Variants in ZCCHC4 observed in about 807,000 individuals in gnomAD.
The protein encoded by ZCCHC4 is zinc finger CCHC-type containing 4, also known as rRNA N(6)-adenosine-methyltransferase ZCCHC4.
Under a neutral mutation model 67.7 loss-of-function variants are expected in ZCCHC4, and 54 were observed. The observed-to-expected ratio is 0.80, with a 90% CI of 0.64 to 1.00. The LOEUF (loss-of-function observed/expected upper bound fraction) is 1.00. Ranked by LOEUF, ZCCHC4 falls within the 50% of genes least tolerant of loss-of-function variation. The pLI, the probability that ZCCHC4 is intolerant of heterozygous loss-of-function variation, is 0.00. For synonymous variants in ZCCHC4, 198 were observed against 213.5 expected (o/e 0.93, Z 0.63); for missense variants, 609 against 617.0 (o/e 0.99, Z 0.14).
chr4:25,329,218 A>G (rs1309486853), intron 3 of ZCCHC4, among the ~76,000 whole-genome samples: 5 of 152,140 alleles, frequency 3.3e-5, no homozygotes, highest in Non-Finnish European at 7.4e-5. Context: ...TAATTTTATT[A>G]TGATGTGTCT....
rs541849217 is a variant in ZCCHC4, at chr4:25,359,537, A to G, written c.1012-2322A>G. Among the ~76,000 whole-genome samples the G allele has an allele frequency of 1.4e-4, 22 of 152,312 alleles. No individual in the cohort carries two copies. The highest frequency in any genetic ancestry group is 4.6e-4 in the African/African-American group (19 of 41,576). On this transcript the variant is annotated intron_variant, in intron 8 of 12. Transcript: ENST00000302874. The surrounding 1 kb of genome is among the most constrained non-coding windows in gnomAD (Gnocchi z 4.9). ...ACCAAGGAGGCTGTTGGCGGGATCA[A>G]GGGGTCCGTGCCACAAAGAAGGGAA...
chr4:25,356,925 G>A (rs969696952), intron 8 of ZCCHC4, among the ~76,000 whole-genome samples: 5 of 152,098 alleles, frequency 3.3e-5, no homozygotes, highest in African/African-American at 9.7e-5. Context: ...AACAGGTAAC[G>A]TAGGCTGACT....
At position 25,325,305 on chromosome 4, in the gene ZCCHC4, C is replaced by CTT. The variant is rs55917871; in HGVS notation, c.330-7865_330-7864dup. Among the ~76,000 whole-genome samples, 1,022 of 122,466 alleles carry CTT rather than the reference C, an allele frequency of 8.3e-3. 33 individuals are homozygous for CTT. Among genetic ancestry groups the CTT allele is most frequent in the African/African-American group, 0.022 (756 of 34,078 alleles). The allele number at this position is 122,466 out of a possible 152,430, so 80.3% of individuals were successfully genotyped here. ...TTCTTGGGTCGTCTTTTCACTCTCT[C>CTT]TTTTTTTTTTTTTTGGCAGTGGTGC... is the stretch of plus-strand genomic sequence containing the variant. On this transcript the variant is annotated intron_variant, in intron 3 of 12. Coordinates refer to ENST00000302874, the MANE Select transcript of ZCCHC4 (RefSeq NM_024936.3).
chr4:25,313,023 T>C, intron 1 of ZCCHC4, 87 bp downstream of exon 1: 2 of 1,540,588 alleles, frequency 1.3e-6, no homozygotes, highest in Non-Finnish European at 1.7e-6. Flanking sequence ...CCTGTATTTT[T>C]ACCCGCCTCT....
intron 5 of ZCCHC4, among the ~76,000 whole-genome samples, chr4:25,342,315 C>A (rs1274693747): frequency 1.3e-5 from 2 of 152,072 alleles, no homozygotes; most frequent in African/African-American, 4.8e-5. Context: ...AGTTTTTTGG[C>A]ACTTTGACTT....
At position 25,312,865 on chromosome 4, in the gene ZCCHC4, G is replaced by A; in HGVS notation, c.56G>A (p.Cys19Tyr). The A allele has an allele frequency of 6.2e-7, 1 of 1,613,122 alleles. No homozygotes were observed. The highest frequency in any genetic ancestry group is 1.1e-5 in the South Asian group (1 of 91,020). Reference protein sequence around the residue: ...EAVEAEGSAGCRGSSGMEVVL... With the variant: ...EAVEAEGSAGYRGSSGMEVVL... ...GTGGAGGCAGAGGGCAGCGCAGGGT[G>A]CCGGGGAAGCTCGGGAATGGAGGTG... is the stretch of plus-strand genomic sequence containing the variant. Residue 19 changes from cysteine (C) to tyrosine (Y), a missense_variant, in exon 1 of 13, where the codon TGC becomes TAC. By Grantham distance (194) the Cys-to-Tyr change is radical. Coordinates refer to ENST00000302874, the MANE Select transcript of ZCCHC4 (RefSeq NM_024936.3).
intron 12 of ZCCHC4, chr4:25,365,995 A>AATTGTATGAC: frequency 1.2e-6 from 1 of 836,386 alleles, no homozygotes; most frequent in South Asian, 5.6e-5. Flanking sequence ...CATTATATGA[A>AATTGTATGAC]ATTATATGAC....
At chr4:25,360,385 G>A (rs979308473) in intron 8 of ZCCHC4, among the ~76,000 whole-genome samples, 1 of 152,214 alleles carries the variant, frequency 6.6e-6, no homozygotes, top group Non-Finnish European at 1.5e-5. Flanking sequence ...TTTTGGCTGG[G>A]GCCAATAGCA....
At chr4:25,362,173 C>T in intron 9 of ZCCHC4, 53 bp from the exon 10 acceptor site, 1 of 1,524,988 alleles carries the variant, frequency 6.6e-7, no homozygotes, top group Non-Finnish European at 9.0e-7. Context: ...GTTTTATCTA[C>T]TCTGTAAATC....
chr4:25,321,890 A>G (rs1718603782), intron 3 of ZCCHC4, among the ~76,000 whole-genome samples: 1 of 152,152 alleles, frequency 6.6e-6, no homozygotes, highest in Admixed American at 6.5e-5. Context: ...AGTACATGAT[A>G]TGTTTCAGTA....
At chr4:25,347,336 T>C (rs1488512112) in intron 6 of ZCCHC4, among the ~76,000 whole-genome samples, 2 of 152,240 alleles carry the variant, frequency 1.3e-5, no homozygotes, top group African/African-American at 2.4e-5. Context: ...AGCCTTTTTT[T>C]CGAAACTCTT....
chr4:25,327,556 T>C (rs542780638), intron 3 of ZCCHC4, among the ~76,000 whole-genome samples: 10 of 152,126 alleles, frequency 6.6e-5, no homozygotes, highest in Non-Finnish European at 1.3e-4. Flanking sequence ...CATGGCTCAC[T>C]GTAGACTCTA....
intron 10 of ZCCHC4, among the ~76,000 whole-genome samples, chr4:25,363,034 A>G (rs1720813113): frequency 6.6e-6 from 1 of 152,180 alleles, no homozygotes; most frequent in African/African-American, 2.4e-5. Context: ...CCCTGAGCCC[A>G]TAGTTGACAT....
chr4:25,337,170 A>T (rs1719499025), intron 5 of ZCCHC4, among the ~76,000 whole-genome samples: 1 of 152,220 alleles, frequency 6.6e-6, no homozygotes, highest in Non-Finnish European at 1.5e-5. Flanking sequence ...TATTTTTAGA[A>T]TAAGGCACTC....
chr4:25,329,258 T>C (rs1371891228), intron 3 of ZCCHC4, among the ~76,000 whole-genome samples: 1 of 152,164 alleles, frequency 6.6e-6, no homozygotes, highest in Non-Finnish European at 1.5e-5. Flanking sequence ...TCTTGTACTG[T>C]GGTTCTCTGA....
chr4:25,329,973 AC>A (rs1719096419), intron 3 of ZCCHC4, among the ~76,000 whole-genome samples: 1 of 151,432 alleles, frequency 6.6e-6, no homozygotes, highest in Non-Finnish European at 1.5e-5. Context: ...GTTTGTTTAG[AC>A]CTTTTGATTT....
intron 3 of ZCCHC4, among the ~76,000 whole-genome samples, chr4:25,324,692 T>G (rs1205740109): frequency 6.6e-6 from 1 of 152,244 alleles, no homozygotes; most frequent in Non-Finnish European, 1.5e-5. Flanking sequence ...GGAATCAGAT[T>G]TTTTTCCTGT....
chr4:25,316,729 A>G (rs781415319), intron 3 of ZCCHC4, among the ~76,000 whole-genome samples: 2 of 152,196 alleles, frequency 1.3e-5, no homozygotes, highest in Non-Finnish European at 2.9e-5. Flanking sequence ...TGCCAAATAT[A>G]TGATTTGCAA....
intron 7 of ZCCHC4, among the ~76,000 whole-genome samples, chr4:25,350,341 AC>A (rs1258990047): frequency 6.8e-6 from 1 of 147,812 alleles, no homozygotes; most frequent in Non-Finnish European, 1.5e-5. Context: ...GCTCACTGCA[AC>A]CTCTGCTTCC....
Sources: gnomAD v4.1 joint callset for allele counts (sites outside exome capture counted in the v4.1 genomes callset) on GRCh38, gnomAD v4.1.1 for gene constraint, Gnocchi (gnomAD v3.1) non-coding constraint, MANE v1.5 for transcripts, NCBI Gene and HGNC (gene_info 2026-07-23, HGNC 2026-07-21) for gene names.